The following TRPC4AP variants were observed in gnomAD, a reference collection of about 807,000 sequenced individuals.
The protein encoded by TRPC4AP is short transient receptor potential channel 4-associated protein.
Under a neutral mutation model 99.0 loss-of-function variants are expected in TRPC4AP, and 45 were observed. The ratio of observed to expected loss-of-function variants is 0.45; its 90% confidence interval spans 0.36 to 0.58. TRPC4AP has a LOEUF of 0.58. Ranked by LOEUF, TRPC4AP falls within the 20% of genes least tolerant of loss-of-function variation. TRPC4AP has a pLI of 0.00. For missense variants in TRPC4AP, 879 were observed against 985.3 expected (o/e 0.89, Z 1.44); for synonymous variants, 408 against 385.8 (o/e 1.06, Z -0.67).
chr20:35,086,081 C>A (rs1045898697), intron 1 of TRPC4AP, among the ~76,000 whole-genome samples: 2 of 151,096 alleles, frequency 1.3e-5, no homozygotes, highest in Non-Finnish European at 3.0e-5. Context: ...CCACTGCCAC[C>A]AAGTAGCTGG....
chr20:35,025,701 CA>C (rs1180069685), intron 8 of TRPC4AP, among the ~76,000 whole-genome samples: 1 of 152,088 alleles, frequency 6.6e-6, no homozygotes, highest in African/African-American at 2.4e-5. Context: ...GCCTTACCCA[CA>C]AAAAACGTTC....
chr20:35,047,208 G>A (rs1327076729), intron 6 of TRPC4AP, among the ~76,000 whole-genome samples: 4 of 152,154 alleles, frequency 2.6e-5, no homozygotes, highest in Admixed American at 1.3e-4. Flanking sequence ...TGTACAATAC[G>A]TATTATGCAG....
chr20:35,047,053 G>A (rs528935575), intron 6 of TRPC4AP, among the ~76,000 whole-genome samples: 4 of 152,080 alleles, frequency 2.6e-5, no homozygotes, highest in Non-Finnish European at 5.9e-5. Context: ...ATTTTTAGTA[G>A]AGACAGGGTT....
At chr20:35,036,548 T>C (rs1217878710) in intron 7 of TRPC4AP, among the ~76,000 whole-genome samples, 2 of 152,346 alleles carry the variant, frequency 1.3e-5, no homozygotes, top group African/African-American at 2.4e-5. Context: ...GTCGTTATCA[T>C]GTAGAAACAC....
rs1174874159 is a variant in TRPC4AP at position 35,002,482 on chromosome 20, G to T, written c.*664C>A. ...GTTAATAAATTGGCAACACAAGGAA[G>T]GGCCCCATGTCCAGGCTCAGGCAGG... On this transcript the variant is annotated 3_prime_UTR_variant, in exon 19 of 19. Coordinates refer to ENST00000252015, the MANE Select transcript of TRPC4AP (RefSeq NM_015638.3). 2 of 311,552 alleles carry T rather than the reference G, an allele frequency of 6.4e-6. No homozygotes were observed. Among genetic ancestry groups the T allele is most frequent in the Non-Finnish European group, 5.8e-6 (1 of 171,554 alleles). 19.3% of individuals were successfully genotyped at this position (311,552 alleles called of 1,614,324 possible). A position where few individuals can be genotyped will look rare whatever the true frequency, so the allele number is the denominator to read the frequency against.
chr20:35,037,829 G>A (rs1600565965), intron 7 of TRPC4AP, among the ~76,000 whole-genome samples: 1 of 152,114 alleles, frequency 6.6e-6, no homozygotes, highest in East Asian at 1.9e-4. Flanking sequence ...TGGTACAACT[G>A]CCTACTGTAT....
At chr20:35,074,000 G>A (rs900833914) in intron 2 of TRPC4AP, among the ~76,000 whole-genome samples, 2 of 152,162 alleles carry the variant, frequency 1.3e-5, no homozygotes, top group East Asian at 3.9e-4. Flanking sequence ...GTTTAGTCTT[G>A]GGAGGGTGTA....
intron 1 of TRPC4AP, among the ~76,000 whole-genome samples, chr20:35,089,309 C>T (rs2084972989): frequency 1.3e-5 from 2 of 151,922 alleles, no homozygotes; most frequent in South Asian, 4.2e-4. Flanking sequence ...TCACTGCAGC[C>T]TTGACTTGCC....
chr20:35,038,967 C>A (rs966452243), intron 7 of TRPC4AP, among the ~76,000 whole-genome samples: 8 of 152,116 alleles, frequency 5.3e-5, no homozygotes, highest in African/African-American at 1.9e-4. Flanking sequence ...CCAGCTACTT[C>A]GCAGACTGAG....
intron 8 of TRPC4AP, among the ~76,000 whole-genome samples, chr20:35,028,649 A>G (rs1420801767): frequency 6.6e-6 from 1 of 152,064 alleles, no homozygotes; most frequent in Non-Finnish European, 1.5e-5. Flanking sequence ...ATTCTGTAGT[A>G]GTTGGGTGGA....
At chr20:35,059,775 CAAAGAAGATGAA>C (rs1252996666) in intron 3 of TRPC4AP, among the ~76,000 whole-genome samples, 5 of 137,718 alleles carry the variant, frequency 3.6e-5, no homozygotes, top group South Asian at 2.4e-4. Flanking sequence ...ACGACGAAGA[CAAAGAAGATGAA>C]GAAGAAGGCG....
intron 10 of TRPC4AP, among the ~76,000 whole-genome samples, chr20:35,015,220 C>G (rs1226716469): frequency 2.0e-5 from 3 of 151,486 alleles, no homozygotes; most frequent in East Asian, 4.0e-4. Context: ...AGGCTGGTCT[C>G]GAACTCCTGA....
chr20:35,028,337 C>A (rs2083080289), intron 8 of TRPC4AP, among the ~76,000 whole-genome samples: 1 of 151,986 alleles, frequency 6.6e-6, no homozygotes, highest in Non-Finnish European at 1.5e-5. Context: ...AAGCGACCCG[C>A]CTCCTCGGCC....
chr20:35,075,130 C>T (rs1403182761), intron 2 of TRPC4AP, among the ~76,000 whole-genome samples: 1 of 151,980 alleles, frequency 6.6e-6, no homozygotes, highest in Admixed American at 6.6e-5. Context: ...TCCTCCATCC[C>T]TTTATTTTGA....
At chr20:35,003,345 A>T in intron 18 of TRPC4AP, 62 bp from the exon 19 acceptor site, 1 of 1,613,200 alleles carries the variant, frequency 6.2e-7, no homozygotes, top group Non-Finnish European at 8.5e-7. Flanking sequence ...CAGCACCGGG[A>T]CACCCCTCTG....
chr20:35,089,018 T>G (rs1600679022), intron 1 of TRPC4AP, among the ~76,000 whole-genome samples: 1 of 148,120 alleles, frequency 6.8e-6, no homozygotes, highest in Admixed American at 7.1e-5. Flanking sequence ...GGGAATATAC[T>G]TCACATTACT....
chr20:35,075,428 C>T (rs1270889548), intron 2 of TRPC4AP, among the ~76,000 whole-genome samples: 1 of 152,192 alleles, frequency 6.6e-6, no homozygotes, highest in African/African-American at 2.4e-5. Flanking sequence ...GCGCTTCCTT[C>T]AGGAGCTCTT....
At chr20:35,003,765 G>T (rs979946318) in intron 17 of TRPC4AP, 149 bp from the exon 18 acceptor site, 10 of 874,004 alleles carry the variant, frequency 1.1e-5, no homozygotes, top group East Asian at 2.7e-5. Context: ...AGATAGGACT[G>T]GGGGAAGGGG....
Position 35,035,159 on chromosome 20 carries a change from T to A in TRPC4AP, c.1015A>T (p.Met339Leu). 2 of 1,614,072 alleles carry A rather than the reference T, an allele frequency of 1.2e-6. No individual in the cohort carries two copies. The highest frequency in any genetic ancestry group is 1.7e-6 in the Non-Finnish European group (2 of 1,179,976). ...LDNALVLDAL[M>L]RVANEESEHN... is the part of the protein sequence containing the mutation. The stretch of plus-strand genomic sequence containing the variant: ...TCTGACTCCTCATTGGCCACTCGCA[T>A]CAGGGCATCTAGCACCAAAGCATTG... The change falls in exon 8 of 19, where the codon ATG becomes TTG. Residue 339 changes from methionine to leucine, a missense_variant. By Grantham distance (15) the Met-to-Leu change is conservative. This residue lies in a region of TRPC4AP where 603 missense variants were observed against 631.8 expected (regional missense o/e 0.95). Coordinates refer to ENST00000252015, the MANE Select transcript of TRPC4AP (RefSeq NM_015638.3).
Sources: gnomAD v4.1 joint callset for allele counts (sites outside exome capture counted in the v4.1 genomes callset) on GRCh38, gnomAD v4.1.1 for gene constraint, gnomAD v4.1.1 regional missense constraint, MANE v1.5 for transcripts, NCBI Gene and HGNC (gene_info 2026-07-23, HGNC 2026-07-21) for gene names.